MAP4K4: variants seen among roughly 807,000 people sequenced by gnomAD.
The protein encoded by MAP4K4 is HPK/GCK-like kinase HGK.
A neutral mutation model predicts 189.6 loss-of-function variants in MAP4K4; 38 were observed. That is an observed-to-expected ratio of 0.20 (90% CI 0.15 to 0.26). MAP4K4 has a LOEUF of 0.26. Among genes scored for constraint, MAP4K4 ranks in the 10% least tolerant of loss-of-function variants. The probability of loss-of-function intolerance (pLI) is 1.00; values close to 1 mark genes in which losing one functional copy is unlikely to be tolerated. For synonymous variants in MAP4K4, 610 were observed against 624.3 expected, an observed-to-expected ratio of 0.98 and a Z score of 0.34; for missense variants, 1,054 against 1,726.9, an observed-to-expected ratio of 0.61 and a Z score of 6.91.
chr2:101,778,847 A>G (rs1171949840), intron 2 of MAP4K4, among the ~76,000 whole-genome samples: 6 of 152,124 alleles, frequency 3.9e-5, no homozygotes, highest in African/African-American at 1.2e-4. Flanking sequence ...GTGGCCGGTA[A>G]GGAAAAGTGC....
rs1302430587 is a variant in MAP4K4, at chr2:101,701,888, C to T, written c.123+3350C>T. On this transcript the variant is annotated intron_variant, in intron 2 of 32. Transcript: ENST00000324219. ...ATTTTATTGTTATTTTGTTTTGAGACGGAGGTTTGCTCTGTTGCCCAGGCT... is the reference window on the plus strand; with the variant it reads ...ATTTTATTGTTATTTTGTTTTGAGATGGAGGTTTGCTCTGTTGCCCAGGCT... Among the ~76,000 whole-genome samples, 4 of 152,018 alleles carry T rather than the reference C, an allele frequency of 2.6e-5. No homozygotes were observed. The East Asian group carries it at 5.8e-4, about 22-fold the overall frequency.
chr2:101,773,915 C>A (rs917844797), intron 2 of MAP4K4, among the ~76,000 whole-genome samples: 5 of 152,166 alleles, frequency 3.3e-5, no homozygotes, highest in African/African-American at 1.2e-4. Context: ...ATGACAGGAT[C>A]TTATACTCCA....
At chr2:101,814,291 ATTCTATT>A (rs1163199646) in intron 3 of MAP4K4, among the ~76,000 whole-genome samples, 3 of 152,280 alleles carry the variant, frequency 2.0e-5, no homozygotes, top group African/African-American at 4.8e-5. Flanking sequence ...AAATACCTTG[ATTCTATT>A]TTCTATTTTA....
rs76820465 is a variant in MAP4K4, at chr2:101,774,945, G to A, written c.124-15775G>A. 4.9e-3 allele frequency among the ~76,000 whole-genome samples: 750 copies of A among 151,876 alleles called. 5 individuals carry two copies. Among genetic ancestry groups the A allele is most frequent in the Non-Finnish European group, 8.4e-3 (569 of 67,958 alleles). Reference sequence around the variant, plus strand: ...GAGTTCACTCTCAGGTAGGGTGGAGGCCTCTCCACCTAGGTCGTCTTGCTT... The same window carrying A: ...GAGTTCACTCTCAGGTAGGGTGGAGACCTCTCCACCTAGGTCGTCTTGCTT... On this transcript the variant is annotated intron_variant, in intron 2 of 32. Coordinates refer to ENST00000324219, the Ensembl canonical transcript of MAP4K4.
At chr2:101,769,762 A>G (rs1211448545) in intron 2 of MAP4K4, among the ~76,000 whole-genome samples, 5 of 151,838 alleles carry the variant, frequency 3.3e-5, no homozygotes, top group South Asian at 2.1e-4. Flanking sequence ...TTTTGTTTTT[A>G]GTAGAGACGA....
intron 2 of MAP4K4, among the ~76,000 whole-genome samples, chr2:101,767,767 C>T (rs2079282669): frequency 6.6e-6 from 1 of 152,192 alleles, no homozygotes; most frequent in Admixed American, 6.5e-5. Context: ...GAGTATATGA[C>T]AGGTTGTCAT....
intron 2 of MAP4K4, among the ~76,000 whole-genome samples, chr2:101,749,808 T>C (rs2067711772): frequency 7.3e-6 from 1 of 136,576 alleles, no homozygotes. Flanking sequence ...TCAAACAAAT[T>C]TACAAGAAAA....
chr2:101,751,616 A>G (rs184352668), intron 2 of MAP4K4, among the ~76,000 whole-genome samples: 1 of 152,342 alleles, frequency 6.6e-6, no homozygotes, highest in East Asian at 1.9e-4. Flanking sequence ...GCCTGACCTC[A>G]TGGAGCAGAG....
chr2:101,749,967 C>T (rs1447797777), intron 2 of MAP4K4, among the ~76,000 whole-genome samples: 1 of 135,192 alleles, frequency 7.4e-6, no homozygotes. Flanking sequence ...GAGATACCAT[C>T]TCACACCAGT....
At chr2:101,781,271 T>A (rs573641930) in intron 2 of MAP4K4, among the ~76,000 whole-genome samples, 1 of 152,306 alleles carries the variant, frequency 6.6e-6, no homozygotes, top group Non-Finnish European at 1.5e-5. Flanking sequence ...GGCGCTATCC[T>A]TTGTAATGCA....
chr2:101,864,159 G>A (rs1425989293), intron 17 of MAP4K4, 108 bp downstream of exon 17: 1 of 509,602 alleles, frequency 2.0e-6, no homozygotes. Context: ...ATTTAAAGGG[G>A]CATTGAAATT....
intron 26 of MAP4K4, among the ~76,000 whole-genome samples, chr2:101,875,412 C>T (rs2098171511): frequency 6.6e-6 from 1 of 151,640 alleles, no homozygotes; most frequent in Non-Finnish European, 1.5e-5. Flanking sequence ...TGCCCACAAG[C>T]ATTGCTTGGG....
At chr2:101,823,877 G>A in intron 3 of MAP4K4, 51 bp from the exon 4 acceptor site, 1 of 1,509,656 alleles carries the variant, frequency 6.6e-7, no homozygotes, top group Non-Finnish European at 8.9e-7. Flanking sequence ...GGGAAGTAAA[G>A]TCATTCACAT....
intron 12 of MAP4K4, among the ~76,000 whole-genome samples, chr2:101,848,036 C>T (rs2097163960): frequency 6.6e-6 from 1 of 152,108 alleles, no homozygotes. Context: ...AGCCTAGGAG[C>T]AATAGGCTAC....
At chr2:101,850,162 C>T (rs2149690779) in intron 12 of MAP4K4, among the ~76,000 whole-genome samples, 1 of 152,050 alleles carries the variant, frequency 6.6e-6, no homozygotes, top group African/African-American at 2.4e-5. Flanking sequence ...TTTCTTCCAC[C>T]AAGAGGACAC....
chr2:101,764,798 A>G (rs1213131463), intron 2 of MAP4K4, among the ~76,000 whole-genome samples: 1 of 152,120 alleles, frequency 6.6e-6, no homozygotes, highest in African/African-American at 2.4e-5. Context: ...TCTTTTTGTG[A>G]ATATTTCCCT....
intron 2 of MAP4K4, among the ~76,000 whole-genome samples, chr2:101,784,034 T>A (rs2089253949): frequency 6.6e-6 from 1 of 152,196 alleles, no homozygotes; most frequent in Non-Finnish European, 1.5e-5. Context: ...GCAGCTCACA[T>A]CTTGAGAGAT....
At chr2:101,858,953 T>G (rs766397676) in intron 13 of MAP4K4, 43 bp from the exon 14 acceptor site, 1 of 1,493,478 alleles carries the variant, frequency 6.7e-7, no homozygotes, top group South Asian at 1.2e-5. Context: ...TCTGATGCTT[T>G]TCTTTGGGAT....
intron 3 of MAP4K4, among the ~76,000 whole-genome samples, chr2:101,808,718 G>C (rs1409128394): frequency 6.6e-6 from 1 of 151,920 alleles, no homozygotes; most frequent in East Asian, 1.9e-4. Flanking sequence ...GAAGTAAAAA[G>C]ATGAAAAAAA....
Sources: allele counts gnomAD v4.1 joint callset (sites outside exome capture counted in the v4.1 genomes callset), GRCh38; gene constraint gnomAD v4.1.1; transcripts MANE v1.5; gene names NCBI Gene and HGNC (gene_info 2026-07-23, HGNC 2026-07-21).